ARHGAP12: variants seen among roughly 807,000 people sequenced by gnomAD.
ARHGAP12 encodes Rho GTPase activating protein 12, also known as rho GTPase-activating protein 12.
A neutral mutation model predicts 108.6 loss-of-function variants in ARHGAP12; 64 were observed. That is an observed-to-expected ratio of 0.59 (90% CI 0.48 to 0.73). The LOEUF is 0.73. Ranked by LOEUF, ARHGAP12 falls within the 30% of genes least tolerant of loss-of-function variation. The pLI is 0.00. For synonymous variants in ARHGAP12, 312 were observed against 337.2 expected (o/e 0.93, Z 0.82); for missense variants, 940 against 1,005.9 (o/e 0.93, Z 0.89).
chr10:31,882,395 G>A (rs199867875), intron 3 of ARHGAP12, among the ~76,000 whole-genome samples: 1 of 98,106 alleles, frequency 1.0e-5, no homozygotes, highest in Non-Finnish European at 2.4e-5. Context: ...AATATAATAA[G>A]GAGAACTAAG....
At position 31,806,564 on chromosome 10, in the gene ARHGAP12, T is replaced by A. The variant is rs1834829842; in HGVS notation, c.*1094A>T. The A allele has an allele frequency of 6.6e-6, 1 of 152,570 alleles. No individual in the cohort carries two copies. Among genetic ancestry groups the A allele is most frequent in the Non-Finnish European group, 1.5e-5 (1 of 68,012 alleles). 9.5% of individuals were successfully genotyped at this position (152,570 alleles called of 1,614,324 possible). ...TGGAATTAGAATTCTGTAATAAATT[T>A]TTTCTAATGTTTTCTGTACATATTA... On this transcript the variant is annotated 3_prime_UTR_variant, in exon 20 of 20. Transcript: ENST00000344936.
At chr10:31,845,424 C>T (rs926337672) in intron 6 of ARHGAP12, among the ~76,000 whole-genome samples, 9 of 151,998 alleles carry the variant, frequency 5.9e-5, no homozygotes, top group African/African-American at 1.7e-4. Context: ...TGTAATCTCA[C>T]CGTGAAGTAT....
intron 3 of ARHGAP12, among the ~76,000 whole-genome samples, chr10:31,906,886 T>C (rs1005872738): frequency 2.0e-5 from 3 of 152,194 alleles, no homozygotes; most frequent in Non-Finnish European, 4.4e-5. Flanking sequence ...AGGAGCTAAA[T>C]ATAGAAAAAT....
chr10:31,854,882 A>G (rs1836826560), intron 4 of ARHGAP12, among the ~76,000 whole-genome samples: 1 of 150,768 alleles, frequency 6.6e-6, no homozygotes, highest in East Asian at 1.9e-4. Context: ...TAATCCCAGC[A>G]CTTTGGGAGG....
chr10:31,923,063 C>T (rs765965197), intron 1 of ARHGAP12, among the ~76,000 whole-genome samples: 19 of 143,962 alleles, frequency 1.3e-4, no homozygotes, highest in East Asian at 6.1e-4. Flanking sequence ...CCTGGGAGTT[C>T]GCGACTGCAG....
chr10:31,811,322 C>T (rs2132139620), intron 15 of ARHGAP12, among the ~76,000 whole-genome samples: 1 of 152,262 alleles, frequency 6.6e-6, no homozygotes, highest in East Asian at 1.9e-4. Context: ...TATGTCCGTC[C>T]ATCACGTACC....
At chr10:31,875,192 AG>A (rs1358553662) in intron 3 of ARHGAP12, among the ~76,000 whole-genome samples, 17 of 152,170 alleles carry the variant, frequency 1.1e-4, no homozygotes, top group Admixed American at 5.9e-4. Context: ...TGCTTACGGG[AG>A]AAAAAGGGCC....
At chr10:31,853,949 T>C in intron 5 of ARHGAP12, 117 bp downstream of exon 5, 2 of 1,097,546 alleles carry the variant, frequency 1.8e-6, no homozygotes, top group East Asian at 5.2e-5. Context: ...GATTATAAAG[T>C]TACAATGAAG....
intron 6 of ARHGAP12, among the ~76,000 whole-genome samples, chr10:31,849,705 A>G (rs1190505152): frequency 6.6e-6 from 1 of 152,230 alleles, no homozygotes; most frequent in Non-Finnish European, 1.5e-5. Context: ...TAAACTGTGA[A>G]GACCTTCTGA....
At chr10:31,892,731 C>T (rs1373963594) in intron 3 of ARHGAP12, among the ~76,000 whole-genome samples, 4 of 152,200 alleles carry the variant, frequency 2.6e-5, no homozygotes, top group Non-Finnish European at 5.9e-5. Context: ...AGGAATTGAA[C>T]TCAGCTCTGC....
chr10:31,927,128 T>A (rs1252798583), intron 1 of ARHGAP12, among the ~76,000 whole-genome samples: 2 of 152,022 alleles, frequency 1.3e-5, no homozygotes, highest in Non-Finnish European at 2.9e-5. Context: ...GTCGCACATA[T>A]GTGCGCAGAC....
At chr10:31,904,767 C>T (rs2132444465) in intron 3 of ARHGAP12, among the ~76,000 whole-genome samples, 1 of 152,168 alleles carries the variant, frequency 6.6e-6, no homozygotes, top group East Asian at 1.9e-4. Flanking sequence ...GCTGGGACTA[C>T]AGGCACATGC....
chr10:31,876,141 T>G (rs187148270), intron 3 of ARHGAP12, among the ~76,000 whole-genome samples: 39 of 152,336 alleles, frequency 2.6e-4, no homozygotes, highest in African/African-American at 9.1e-4. Context: ...GGCTTACAGT[T>G]CTTTGGGGTA....
chr10:31,864,276 CAAATT>C lies in ARHGAP12; in HGVS notation c.685-2623_685-2619del, dbSNP rs1564398008. Among the ~76,000 whole-genome samples the C allele has an allele frequency of 2.0e-5, 3 of 151,984 alleles. No homozygotes were observed. In the East Asian group the frequency reaches 5.8e-4, roughly 29 times the overall value. On this transcript the variant is annotated intron_variant, in intron 3 of 19. Transcript: ENST00000344936. ...TCAGTTTCCCATACATAAGCAATGA[CAAATT>C]AGAAAATATAACAACCAAAAAATCT...
intron 13 of ARHGAP12, among the ~76,000 whole-genome samples, chr10:31,816,496 T>C (rs1245444181): frequency 1.3e-5 from 2 of 152,190 alleles, no homozygotes; most frequent in African/African-American, 2.4e-5. Flanking sequence ...ATGTCCCCAA[T>C]GCATAAGGCA....
At chr10:31,912,159 T>C (rs1839378104) in intron 1 of ARHGAP12, among the ~76,000 whole-genome samples, 1 of 152,178 alleles carries the variant, frequency 6.6e-6, no homozygotes, top group Non-Finnish European at 1.5e-5. Context: ...TTCACAACTT[T>C]TCAAAATTTT....
chr10:31,813,131 T>C (rs962646090), intron 14 of ARHGAP12, among the ~76,000 whole-genome samples: 1 of 152,184 alleles, frequency 6.6e-6, no homozygotes, highest in African/African-American at 2.4e-5. Flanking sequence ...ATTTCATAAA[T>C]GATTAACTAC....
chr10:31,813,459 C>A (rs1385728929), intron 14 of ARHGAP12, among the ~76,000 whole-genome samples: 1 of 151,818 alleles, frequency 6.6e-6, no homozygotes, highest in Non-Finnish European at 1.5e-5. Context: ...GAAAATAATT[C>A]TATTTGGGGG....
chr10:31,808,365 A>G (rs532078732), intron 19 of ARHGAP12: 58 of 227,362 alleles, frequency 2.6e-4, no homozygotes, highest in African/African-American at 1.3e-3. Flanking sequence ...TTAATATCCA[A>G]TCTCATCTTC....
Sources: allele counts gnomAD v4.1 joint callset (sites outside exome capture counted in the v4.1 genomes callset), GRCh38; gene constraint gnomAD v4.1.1; transcripts MANE v1.5; gene names NCBI Gene and HGNC (gene_info 2026-07-23, HGNC 2026-07-21).